The following PINX1 variants were observed in gnomAD, a reference collection of about 807,000 sequenced individuals.
PINX1 encodes PIN2/TERF1-interacting telomerase inhibitor 1.
PINX1 carries 34 observed loss-of-function variants against 25.4 expected under a neutral mutation model. The ratio of observed to expected loss-of-function variants is 1.34; its 90% CI spans 1.02 to 1.78. The LOEUF (loss-of-function observed/expected upper bound fraction) is 1.78. Ranked by LOEUF, PINX1 falls within the 40% of genes most tolerant of loss-of-function variation. PINX1 has a pLI of 0.00. For missense variants in PINX1, 592 were observed against 404.9 expected (o/e 1.46, Z -3.97); for synonymous variants, 197 against 147.7 (o/e 1.33, Z -2.42).
At chr8:10,792,030 C>G (rs1183220516) in intron 6 of PINX1, among the ~76,000 whole-genome samples, 3 of 152,190 alleles carry the variant, frequency 2.0e-5, no homozygotes, top group Admixed American at 2.0e-4. Context: ...CCCCTCTCTC[C>G]CGCTCAGGAC....
rs1246520580 is a variant in PINX1, at chr8:10,765,318, T to C, written c.*83A>G. 3 of 1,337,436 alleles carry C rather than the reference T, an allele frequency of 2.2e-6. No homozygotes were observed. Among genetic ancestry groups the C allele is most frequent in the Admixed American group, 2.6e-5 (1 of 38,172 alleles). The allele number at this position is 1,337,436 out of a possible 1,614,324, so 82.8% of individuals were successfully genotyped here. On this transcript the variant is annotated 3_prime_UTR_variant, in exon 7 of 7. Transcript: ENST00000314787. ...TGCGCCCAGGCGCTCTGGGGTGAAC[T>C]CTGCTGTGACTTCAGGCCAGAGGTG... is the stretch of plus-strand genomic sequence containing the variant.
At chr8:10,779,276 C>T (rs1368590564) in intron 6 of PINX1, among the ~76,000 whole-genome samples, 1 of 152,134 alleles carries the variant, frequency 6.6e-6, no homozygotes, top group Non-Finnish European at 1.5e-5. Context: ...AAAGTTCAAA[C>T]CACAGAACCA....
intron 6 of PINX1, among the ~76,000 whole-genome samples, chr8:10,805,185 C>G (rs1170295529): frequency 1.3e-5 from 2 of 152,218 alleles, no homozygotes; most frequent in African/African-American, 4.8e-5. Flanking sequence ...GGGCAAGTTA[C>G]CTGACCTGCT....
chr8:10,775,283 C>A (rs1801352182), intron 6 of PINX1, among the ~76,000 whole-genome samples: 1 of 152,156 alleles, frequency 6.6e-6, no homozygotes, highest in Non-Finnish European at 1.5e-5. Flanking sequence ...TGAAGCAAGA[C>A]CTGCCTCGCT....
intron 5 of PINX1, among the ~76,000 whole-genome samples, chr8:10,824,443 T>C (rs141942247): frequency 7.2e-5 from 11 of 152,284 alleles, no homozygotes; most frequent in South Asian, 4.1e-4. Context: ...AATCTGACAA[T>C]AGATCCGAGA....
At chr8:10,772,424 G>T (rs1378187985) in intron 6 of PINX1, among the ~76,000 whole-genome samples, 1 of 152,228 alleles carries the variant, frequency 6.6e-6, no homozygotes, top group Non-Finnish European at 1.5e-5. Context: ...TCTCTCTATG[G>T]AACCTCTGTG....
chr8:10,775,063 C>A (rs1586135460), intron 6 of PINX1, among the ~76,000 whole-genome samples: 2 of 152,216 alleles, frequency 1.3e-5, no homozygotes, highest in East Asian at 3.9e-4. Context: ...TCAAGAAAAA[C>A]CCTAACCAGT....
At position 10,839,733 on chromosome 8, in the gene PINX1, C is replaced by T; in HGVS notation, c.19+5G>A. On this transcript the variant is annotated splice_donor_5th_base_variant and intron_variant, in intron 1 of 6. Coordinates refer to ENST00000314787, the MANE Select transcript of PINX1 (RefSeq NM_017884.6). ...CTGGGTCGGGCCTCCGCTTCCGACA[C>T]TCACGTTCAGCCAGCATAGACATGT... is the stretch of plus-strand genomic sequence containing the variant. The T allele has an allele frequency of 6.2e-7, 1 of 1,604,458 alleles. No homozygotes were observed. The highest frequency in any genetic ancestry group is 2.3e-5 in the East Asian group (1 of 44,408).
intron 6 of PINX1, among the ~76,000 whole-genome samples, chr8:10,789,257 C>T (rs895867316): frequency 2.6e-5 from 4 of 152,208 alleles, no homozygotes; most frequent in East Asian, 3.8e-4. Context: ...GATGAGGAGC[C>T]ATGCTGGACG....
intron 6 of PINX1, among the ~76,000 whole-genome samples, chr8:10,816,069 G>A (rs926703814): frequency 2.0e-5 from 3 of 152,202 alleles, no homozygotes; most frequent in African/African-American, 7.2e-5. Context: ...GGGCGGTGTT[G>A]GAGGGGTATG....
chr8:10,785,963 G>A (rs1801734724), intron 6 of PINX1, among the ~76,000 whole-genome samples: 2 of 152,206 alleles, frequency 1.3e-5, no homozygotes, highest in Admixed American at 1.3e-4. Flanking sequence ...ATTCTGGACT[G>A]CGTATATCAC....
chr8:10,799,854 G>A (rs1802210081), intron 6 of PINX1, among the ~76,000 whole-genome samples: 1 of 152,176 alleles, frequency 6.6e-6, no homozygotes, highest in Admixed American at 6.5e-5. Flanking sequence ...CCAAGTTAGG[G>A]CCACTTCCAA....
chr8:10,826,763 A>G (rs984143906), intron 4 of PINX1, among the ~76,000 whole-genome samples: 6 of 152,210 alleles, frequency 3.9e-5, no homozygotes, highest in African/African-American at 1.4e-4. Flanking sequence ...ATAACATATG[A>G]CTCCATCTAC....
At chr8:10,826,051 A>G (rs1455570696) in intron 5 of PINX1, 101 bp downstream of exon 5, 15 of 644,842 alleles carry the variant, frequency 2.3e-5, no homozygotes, top group South Asian at 1.8e-4. Flanking sequence ...GGAGCTGTCC[A>G]TAAAGCATGA....
chr8:10,777,068 A>G (rs1305423411), intron 6 of PINX1, among the ~76,000 whole-genome samples: 1 of 152,212 alleles, frequency 6.6e-6, no homozygotes, highest in Non-Finnish European at 1.5e-5. Flanking sequence ...TCTGTCAACA[A>G]ACAAAAAGCC....
intron 6 of PINX1, among the ~76,000 whole-genome samples, chr8:10,777,560 G>C (rs1801432063): frequency 6.6e-6 from 1 of 152,202 alleles, no homozygotes; most frequent in Non-Finnish European, 1.5e-5. Flanking sequence ...GGGTGTGCGA[G>C]TGGCTTGGGG....
At chr8:10,813,188 T>C (rs531688571) in intron 6 of PINX1, among the ~76,000 whole-genome samples, 33 of 152,152 alleles carry the variant, frequency 2.2e-4, no homozygotes, top group Admixed American at 1.2e-3. Flanking sequence ...AACTACAAGG[T>C]TCTTAATTAG....
chr8:10,818,260 A>T (rs1363652137), intron 6 of PINX1, among the ~76,000 whole-genome samples: 2 of 152,226 alleles, frequency 1.3e-5, no homozygotes, highest in African/African-American at 4.8e-5. Flanking sequence ...CACTGGACCA[A>T]AAGAGATTTT....
chr8:10,766,047 C>G, intron 6 of PINX1, 131 bp from the exon 7 acceptor site: 1 of 825,962 alleles, frequency 1.2e-6, no homozygotes, highest in South Asian at 1.6e-5. Context: ...CACCCACACC[C>G]GGCACTTAGG....
Sources: allele counts gnomAD v4.1 joint callset (sites outside exome capture counted in the v4.1 genomes callset), GRCh38; gene constraint gnomAD v4.1.1; transcripts MANE v1.5; gene names NCBI Gene and HGNC (gene_info 2026-07-23, HGNC 2026-07-21).